The following ADAMTS2 variants were observed in gnomAD, a reference collection of about 807,000 sequenced individuals.
ADAMTS2 encodes the protein ADAM metallopeptidase with thrombospondin type 1 motif 2.
A neutral mutation model predicts 123.0 loss-of-function variants in ADAMTS2; 50 were observed. That is an observed-to-expected ratio of 0.41 (90% confidence interval 0.32 to 0.51). The LOEUF (loss-of-function observed/expected upper bound fraction) is 0.51. ADAMTS2 is among the 20% of genes least tolerant of loss of function. ADAMTS2 has a pLI of 0.35. For missense variants in ADAMTS2, 1,494 were observed against 1,705.2 expected, an observed-to-expected ratio of 0.88 and a Z score of 2.18; for synonymous variants, 678 against 695.4, an observed-to-expected ratio of 0.98 and a Z score of 0.39.
chr5:179,322,216 A>G (rs1274632166), intron 2 of ADAMTS2, among the ~76,000 whole-genome samples: 2 of 152,230 alleles, frequency 1.3e-5, no homozygotes, highest in Non-Finnish European at 2.9e-5. Context: ...GTTGCCAGCC[A>G]TCGTGAGTCA....
chr5:179,274,545 C>A (rs373361496), intron 2 of ADAMTS2, among the ~76,000 whole-genome samples: 5 of 152,266 alleles, frequency 3.3e-5, no homozygotes, highest in East Asian at 1.9e-4. Context: ...CACACCCCCC[C>A]CAAAGTAACC....
At chr5:179,125,565 G>A (rs1194194126) in intron 18 of ADAMTS2, among the ~76,000 whole-genome samples, 1 of 152,172 alleles carries the variant, frequency 6.6e-6, no homozygotes, top group South Asian at 2.1e-4. Context: ...CAAGAGCAGT[G>A]TGGATTCCCT....
intron 2 of ADAMTS2, among the ~76,000 whole-genome samples, chr5:179,277,005 C>T (rs897273864): frequency 2.6e-5 from 4 of 152,094 alleles, no homozygotes; most frequent in Admixed American, 1.3e-4. Flanking sequence ...TCCCTGGCTG[C>T]CTCCCTGAGG....
chr5:179,345,203 G>T lies in ADAMTS2; in HGVS notation c.126C>A (p.Ala42=). 2 of 1,114,382 alleles carry T rather than the reference G, an allele frequency of 1.8e-6. No individual in the cohort carries two copies. The highest frequency in any genetic ancestry group is 2.2e-6 in the Non-Finnish European group (2 of 917,598). The allele number at this position is 1,114,382 out of a possible 1,614,324, so 69.0% of individuals were successfully genotyped here. ...PPPANARLAA[A]ADPPGGPLGH... ...GGCCGCACCTACCTGGGGGGTCGGC[G>T]GCGGCGGCGAGCCTGGCGTTCGCGG... Residue 42 remains alanine, a synonymous_variant, in exon 1 of 22, where the codon GCC becomes GCA. Transcript: ENST00000251582. This position sits in a 1 kb window ranked among gnomAD's most constrained non-coding sequence, Gnocchi z 7.5.
Position 179,121,663 on chromosome 5 carries a change from G to C in ADAMTS2, c.3176C>G (p.Ser1059Ter). 1 of 1,601,280 alleles carries C rather than the reference G, an allele frequency of 6.2e-7. No individual in the cohort carries two copies. The highest frequency in any genetic ancestry group is 1.1e-5 in the South Asian group (1 of 88,324). ...DPDSPIRKIS[S>*]KGHCQGDKSI... The stretch of plus-strand genomic sequence containing the variant: ...AGAGTTATAAACGGGTCGGTTACTT[G>C]ACGAGATCTTCCGGATGGGCGAGTC... The change falls in exon 21 of 22, where the codon TCA becomes TGA. Residue 1059 changes from serine to a stop codon, truncating the protein, a stop_gained and splice_region_variant. Coordinates refer to ENST00000251582, the MANE Select transcript of ADAMTS2 (RefSeq NM_014244.5). LOFTEE classifies it high-confidence loss of function.
At position 179,243,213 on chromosome 5, in the gene ADAMTS2, AT is replaced by A. The variant is rs1310162185; in HGVS notation, c.688+29697del. On this transcript the variant is annotated intron_variant, in intron 3 of 21. Coordinates refer to ENST00000251582, the MANE Select transcript of ADAMTS2 (RefSeq NM_014244.5). Reference sequence around the variant, plus strand: ...AGGATCTCTTCCAGGGGGAGAATGAATTTCAAAGACTGGCCTCAAAATCATC... The same window carrying A: ...AGGATCTCTTCCAGGGGGAGAATGAATTCAAAGACTGGCCTCAAAATCATC... Among the ~76,000 whole-genome samples, 4 of 152,202 alleles carry A rather than the reference AT, an allele frequency of 2.6e-5. No individual in the cohort carries two copies. The East Asian group carries it at 7.7e-4, about 29-fold the overall frequency.
intron 2 of ADAMTS2, among the ~76,000 whole-genome samples, chr5:179,282,848 G>A (rs1281996453): frequency 1.3e-5 from 2 of 152,126 alleles, no homozygotes; most frequent in Non-Finnish European, 2.9e-5. Flanking sequence ...GGCTGAGGCA[G>A]GCGGATCACG....
chr5:179,325,540 G>C (rs1757289950), intron 2 of ADAMTS2, among the ~76,000 whole-genome samples: 1 of 152,260 alleles, frequency 6.6e-6, no homozygotes, highest in Admixed American at 6.5e-5. Flanking sequence ...GCAGTCCTGT[G>C]ACGAGGCCTG....
chr5:179,195,615 G>A (rs1406767892), intron 4 of ADAMTS2, among the ~76,000 whole-genome samples: 4 of 152,218 alleles, frequency 2.6e-5, no homozygotes, highest in Non-Finnish European at 4.4e-5. Flanking sequence ...TGGCCTCTCC[G>A]GTCGCCCGAG....
chr5:179,117,309 C>T lies in ADAMTS2; in HGVS notation c.3179-2985G>A, dbSNP rs1405607004. Among the ~76,000 whole-genome samples, 1 of 152,130 alleles carries T rather than the reference C, an allele frequency of 6.6e-6. No individual in the cohort carries two copies. The highest frequency in any genetic ancestry group is 1.5e-5 in the Non-Finnish European group (1 of 68,024). On this transcript the variant is annotated intron_variant, in intron 21 of 21. Coordinates refer to ENST00000251582, the MANE Select transcript of ADAMTS2 (RefSeq NM_014244.5). The surrounding 1 kb of genome is among the most constrained non-coding windows in gnomAD (Gnocchi z 4.2). ...GGCCTGATGGTGCTGGGAGGGACAC[C>T]CTGGCTGCACACTGCCCCCTCTCCT...
chr5:179,223,349 C>T (rs1054282986), intron 3 of ADAMTS2, among the ~76,000 whole-genome samples: 3 of 138,368 alleles, frequency 2.2e-5, no homozygotes, highest in Non-Finnish European at 3.3e-5. Flanking sequence ...CATATACACA[C>T]GAATGCACTC....
intron 4 of ADAMTS2, among the ~76,000 whole-genome samples, chr5:179,199,958 A>C (rs903244427): frequency 2.6e-5 from 4 of 152,230 alleles, no homozygotes; most frequent in African/African-American, 9.6e-5. Context: ...AAATAAAAAG[A>C]ACAGCGAGTT....
chr5:179,320,678 C>T (rs1045011377), intron 2 of ADAMTS2, among the ~76,000 whole-genome samples: 16 of 152,160 alleles, frequency 1.1e-4, no homozygotes, highest in South Asian at 2.1e-4. Flanking sequence ...CTCATCCCTG[C>T]GTCACCAGTG....
rs6898982 is a variant in ADAMTS2 at position 179,234,512 on chromosome 5, C to T, written c.689-26797G>A. On this transcript the variant is annotated intron_variant, in intron 3 of 21. Transcript: ENST00000251582. The surrounding 1 kb of genome is among the most constrained non-coding windows in gnomAD (Gnocchi z 4.7). ...ATGACCATGGACCTGCTGACAGGTG[C>T]CCCCCGACCCACCTCCAGCCTGCAC... 0.015 allele frequency among the ~76,000 whole-genome samples: 2,229 copies of T among 149,788 alleles called. 61 individuals carry two copies. The highest frequency in any genetic ancestry group is 0.052 in the African/African-American group (2,084 of 40,230).
At position 179,140,149 on chromosome 5, in the gene ADAMTS2, AG is replaced by A. The variant is rs572824315; in HGVS notation, c.1630-115del. 6.3e-5 allele frequency: 94 copies of A among 1,495,308 alleles called. 3 individuals are homozygous for A. In the African/African-American group the frequency reaches 1.1e-3, roughly 18 times the overall value. The allele number at this position is 1,495,308 out of a possible 1,614,324, so 92.6% of individuals were successfully genotyped here. A position where few individuals can be genotyped will look rare whatever the true frequency, so the allele number is the denominator to read the frequency against. ...ACGTCCTGGCCCCACTCTGGGGCAC[AG>A]GGGGAGCTCACCCTCCTCGCCCCTA... On this transcript the variant is annotated intron_variant, in intron 10 of 21. Coordinates refer to ENST00000251582, the MANE Select transcript of ADAMTS2 (RefSeq NM_014244.5).
At chr5:179,193,337 G>C (rs562528070) in intron 4 of ADAMTS2, among the ~76,000 whole-genome samples, 2 of 152,302 alleles carry the variant, frequency 1.3e-5, no homozygotes, top group South Asian at 4.1e-4. Flanking sequence ...CCCCGCGTGC[G>C]ATATCTTTCC....
At position 179,115,057 on chromosome 5, in the gene ADAMTS2, C is replaced by G. The variant is rs1295241732; in HGVS notation, c.3179-733G>C. ...CGCATCCAGCCATTTCCCAAAGAAACGTGCTGCCCTCACATAGATTAATCG... is the reference window on the plus strand; with the variant it reads ...CGCATCCAGCCATTTCCCAAAGAAAGGTGCTGCCCTCACATAGATTAATCG... On this transcript the variant is annotated intron_variant, in intron 21 of 21. Coordinates refer to ENST00000251582, the MANE Select transcript of ADAMTS2 (RefSeq NM_014244.5). This position sits in a 1 kb window ranked among gnomAD's most constrained non-coding sequence, Gnocchi z 4.4. Among the ~76,000 whole-genome samples, 1 of 152,186 alleles carries G rather than the reference C, an allele frequency of 6.6e-6. No homozygotes were observed. Among genetic ancestry groups the G allele is most frequent in the Non-Finnish European group, 1.5e-5 (1 of 68,032 alleles).
Position 179,272,925 on chromosome 5 carries a change from T to C in ADAMTS2, c.674A>G (p.Gln225Arg), listed in dbSNP as rs755118194. The change falls in exon 3 of 22, where the codon CAG becomes CGG. Residue 225 changes from glutamine to arginine, a missense_variant. Gln to Arg is a conservative substitution (Grantham distance 43). Transcript: ENST00000251582. The surrounding 1 kb of genome is among the most constrained non-coding windows in gnomAD (Gnocchi z 5.8). ...PPTSPPLGGP[Q>R]ALDTGASLDS... Reference sequence around the variant, plus strand: ...AGTAGCCTCACCTGTGTCCAGGGCCTGTGGCCCCCCGAGAGGAGGGGACGT... The same window carrying C: ...AGTAGCCTCACCTGTGTCCAGGGCCCGTGGCCCCCCGAGAGGAGGGGACGT... 6.2e-7 allele frequency: 1 copy of C among 1,610,042 alleles called. No homozygotes were observed. Among genetic ancestry groups the C allele is most frequent in the South Asian group, 1.1e-5 (1 of 91,056 alleles).
intron 4 of ADAMTS2, among the ~76,000 whole-genome samples, chr5:179,207,302 C>CAAA (rs1764720294): frequency 6.6e-6 from 1 of 152,214 alleles, no homozygotes. Flanking sequence ...CCATCACCCA[C>CAAA]GATGTGCAGA....
Sources: gnomAD v4.1 joint callset for allele counts (sites outside exome capture counted in the v4.1 genomes callset) on GRCh38, gnomAD v4.1.1 for gene constraint, Gnocchi (gnomAD v3.1) non-coding constraint, MANE v1.5 for transcripts, NCBI Gene and HGNC (gene_info 2026-07-23, HGNC 2026-07-21) for gene names.